The following ZBTB7C variants were observed in gnomAD, a reference collection of about 807,000 sequenced individuals.
ZBTB7C encodes the protein zinc finger and BTB domain containing 7C.
ZBTB7C carries 8 observed loss-of-function variants against 25.7 expected under a neutral mutation model. The observed-to-expected ratio is 0.31, with a 90% CI of 0.18 to 0.56. The LOEUF (loss-of-function observed/expected upper bound fraction) is 0.56. Ranked by LOEUF, ZBTB7C falls within the 20% of genes least tolerant of loss-of-function variation. ZBTB7C has a pLI of 0.91. For missense variants in ZBTB7C, 824 were observed against 855.2 expected (o/e 0.96, Z 0.46); for synonymous variants, 394 against 369.0 (o/e 1.07, Z -0.78).
chr18:48,395,295 G>A (rs990453066), intron 1 of ZBTB7C, among the ~76,000 whole-genome samples: 8 of 144,530 alleles, frequency 5.5e-5, no homozygotes, highest in Non-Finnish European at 1.1e-4. Context: ...GTGTGTGTGT[G>A]TGTGTGTGTG....
intron 1 of ZBTB7C, among the ~76,000 whole-genome samples, chr18:48,351,499 C>A (rs151061598): frequency 2.3e-3 from 347 of 152,310 alleles, no homozygotes; most frequent in African/African-American, 7.7e-3. Context: ...TATACCACCA[C>A]TGTCTAAAAG....
intron 2 of ZBTB7C, among the ~76,000 whole-genome samples, chr18:48,199,267 T>C (rs1015867521): frequency 2.6e-5 from 4 of 152,218 alleles, no homozygotes; most frequent in African/African-American, 9.7e-5. Context: ...TCTCTGATAC[T>C]TTCCTCTCCT....
intron 3 of ZBTB7C, among the ~76,000 whole-genome samples, chr18:48,047,601 G>C (rs1411530633): frequency 1.3e-5 from 2 of 152,176 alleles, no homozygotes; most frequent in Non-Finnish European, 2.9e-5. Context: ...TTCAGTGGAA[G>C]GTTCTAGAAC....
intron 2 of ZBTB7C, among the ~76,000 whole-genome samples, chr18:48,205,803 C>T (rs2042563706): frequency 6.6e-6 from 1 of 152,076 alleles, no homozygotes; most frequent in South Asian, 2.1e-4. Context: ...AGAAGAATGT[C>T]CCCAGGGCCC....
intron 3 of ZBTB7C, chr18:48,162,425 C>G (rs1372121552): frequency 2.2e-6 from 1 of 456,304 alleles, no homozygotes; most frequent in Non-Finnish European, 4.4e-6. Context: ...TAATAGTATT[C>G]ACCTCACTGA....
chr18:48,158,951 C>T (rs1040508536), intron 3 of ZBTB7C, among the ~76,000 whole-genome samples: 1 of 152,144 alleles, frequency 6.6e-6, no homozygotes, highest in Non-Finnish European at 1.5e-5. Context: ...GGTGAGCTCC[C>T]CAGAGGAGGG....
At chr18:48,286,945 A>C (rs531708370) in intron 2 of ZBTB7C, among the ~76,000 whole-genome samples, 41 of 152,216 alleles carry the variant, frequency 2.7e-4, no homozygotes, top group African/African-American at 9.9e-4. Flanking sequence ...CAAACTACTC[A>C]GGAGGCTGAG....
chr18:48,236,304 T>C (rs1240481441), intron 2 of ZBTB7C, among the ~76,000 whole-genome samples: 2 of 152,222 alleles, frequency 1.3e-5, no homozygotes, highest in South Asian at 2.1e-4. Context: ...GTAAGGCCAA[T>C]GTCACCTCTT....
At chr18:48,375,545 C>T (rs1275946512) in intron 1 of ZBTB7C, 1 of 152,230 alleles carries the variant, frequency 6.6e-6, no homozygotes, top group African/African-American at 2.4e-5. Context: ...TACCTGCATC[C>T]TTTCTGGGCA....
chr18:48,379,329 G>C (rs1036453517), intron 1 of ZBTB7C, among the ~76,000 whole-genome samples: 3 of 152,124 alleles, frequency 2.0e-5, no homozygotes, highest in Non-Finnish European at 4.4e-5. Context: ...TATTGTATCA[G>C]TTATTCCAGA....
chr18:48,122,565 G>A (rs1453768064), intron 3 of ZBTB7C, among the ~76,000 whole-genome samples: 1 of 152,206 alleles, frequency 6.6e-6, no homozygotes, highest in Non-Finnish European at 1.5e-5. Context: ...AAGGCCCAGA[G>A]CAGCTGAGGC....
At chr18:48,052,139 G>T (rs2036711470) in intron 3 of ZBTB7C, among the ~76,000 whole-genome samples, 1 of 152,194 alleles carries the variant, frequency 6.6e-6, no homozygotes, top group African/African-American at 2.4e-5. Flanking sequence ...GCGTTACTGA[G>T]TTTCATACTC....
intron 2 of ZBTB7C, among the ~76,000 whole-genome samples, chr18:48,316,559 G>A (rs536632602): frequency 6.6e-6 from 1 of 152,380 alleles, no homozygotes; most frequent in East Asian, 1.9e-4. Flanking sequence ...TTGGTGCCAT[G>A]CCCTTGGCAA....
intron 1 of ZBTB7C, among the ~76,000 whole-genome samples, chr18:48,391,189 C>T (rs2047893977): frequency 1.3e-5 from 2 of 152,216 alleles, no homozygotes; most frequent in Non-Finnish European, 1.5e-5. Flanking sequence ...GACGCAGCAG[C>T]CTCAGAACTG....
intron 3 of ZBTB7C, among the ~76,000 whole-genome samples, chr18:48,043,855 CAA>C: frequency 6.6e-6 from 1 of 152,338 alleles, no homozygotes; most frequent in East Asian, 1.9e-4. Context: ...AGCCACTAAT[CAA>C]TCTCCTCGCT....
chr18:48,204,654 CAA>C (rs1356907321), intron 2 of ZBTB7C, among the ~76,000 whole-genome samples: 1 of 152,098 alleles, frequency 6.6e-6, no homozygotes, highest in Non-Finnish European at 1.5e-5. Flanking sequence ...GAGGACCAAG[CAA>C]AAGAGTCACC....
At chr18:48,119,091 C>A (rs1313848571) in intron 3 of ZBTB7C, among the ~76,000 whole-genome samples, 1 of 152,118 alleles carries the variant, frequency 6.6e-6, no homozygotes, top group Non-Finnish European at 1.5e-5. Flanking sequence ...GTGTCCCATC[C>A]TCAGGGTTTC....
rs191825973 is a variant in ZBTB7C, at chr18:48,124,980, G to A, written c.-17+60954C>T. On this transcript the variant is annotated intron_variant, in intron 3 of 4. Coordinates refer to ENST00000590800, the MANE Select transcript of ZBTB7C (RefSeq NM_001318841.2). ...GCCACACCCTCAGCTTTCATCAGCC[G>A]TGGCAGGAGAAACGCCACGGTCACA... 5.3e-5 allele frequency among the ~76,000 whole-genome samples: 8 copies of A among 152,334 alleles called. No homozygotes were observed. In the East Asian group the frequency reaches 1.2e-3, roughly 22 times the overall value.
intron 2 of ZBTB7C, among the ~76,000 whole-genome samples, chr18:48,186,934 C>A (rs2042070357): frequency 6.6e-6 from 1 of 152,230 alleles, no homozygotes; most frequent in Non-Finnish European, 1.5e-5. Context: ...TTCGACATGA[C>A]TGATGCACTT....
Sources: gnomAD v4.1 joint callset for allele counts (sites outside exome capture counted in the v4.1 genomes callset) on GRCh38, gnomAD v4.1.1 for gene constraint, MANE v1.5 for transcripts, NCBI Gene and HGNC (gene_info 2026-07-23, HGNC 2026-07-21) for gene names.